Variants in LMX1A observed in about 807,000 individuals in gnomAD.
LMX1A encodes the protein LIM homeobox transcription factor 1-alpha.
In LMX1A, 15 loss-of-function variants were observed where a neutral mutation model predicts 49.1. The observed-to-expected ratio is 0.31, with a 90% CI of 0.20 to 0.47. LMX1A has a LOEUF of 0.47. LMX1A is among the 20% of genes least tolerant of loss of function. The pLI is 1.00. For synonymous variants in LMX1A, 167 were observed against 185.7 expected (o/e 0.90, Z 0.82); for missense variants, 372 against 475.8 (o/e 0.78, Z 2.03).
At chr1:165,286,820 A>T (rs1285174604) in intron 3 of LMX1A, among the ~76,000 whole-genome samples, 4 of 152,148 alleles carry the variant, frequency 2.6e-5, no homozygotes, top group Non-Finnish European at 4.4e-5. Context: ...GACCTCACAG[A>T]GGTGTTCTGA....
At chr1:165,295,231 A>C (rs1331903831) in intron 3 of LMX1A, among the ~76,000 whole-genome samples, 1 of 151,888 alleles carries the variant, frequency 6.6e-6, no homozygotes, top group African/African-American at 2.4e-5. Context: ...AAGATGTAGA[A>C]GATAATCCCC....
chr1:165,256,737 GTT>G (rs1653253794), intron 3 of LMX1A, among the ~76,000 whole-genome samples: 1 of 152,014 alleles, frequency 6.6e-6, no homozygotes, highest in Admixed American at 6.6e-5. Flanking sequence ...TATTACAGGA[GTT>G]GAGAAGCCTC....
chr1:165,237,597 A>T (rs1381715231), intron 4 of LMX1A, among the ~76,000 whole-genome samples: 1 of 152,112 alleles, frequency 6.6e-6, no homozygotes, highest in Admixed American at 6.5e-5. Flanking sequence ...AAACAAAAAA[A>T]CCCAAGCATG....
chr1:165,210,616 C>G (rs1295974970), intron 6 of LMX1A, 83 bp downstream of exon 6: 2 of 983,276 alleles, frequency 2.0e-6, no homozygotes, highest in African/African-American at 1.6e-5. Context: ...GGCGAGAAAA[C>G]CTGGCAGCAA....
chr1:165,326,002 G>A (rs1571224327), intron 3 of LMX1A, among the ~76,000 whole-genome samples: 1 of 97,744 alleles, frequency 1.0e-5, no homozygotes, highest in East Asian at 3.4e-4. Flanking sequence ...AGTAATCCCA[G>A]GGGGGCTCCC....
chr1:165,254,303 C>T (rs975143512), intron 3 of LMX1A, among the ~76,000 whole-genome samples: 1 of 152,176 alleles, frequency 6.6e-6, no homozygotes, highest in African/African-American at 2.4e-5. Flanking sequence ...AGAAAGCCCA[C>T]CATGTTGACT....
At position 165,290,245 on chromosome 1, in the gene LMX1A, C is replaced by T. The variant is rs147639813; in HGVS notation, c.264-40605G>A. Among the ~76,000 whole-genome samples, 244 of 152,328 alleles carry T rather than the reference C, an allele frequency of 1.6e-3. 1 individual carries two copies. Among genetic ancestry groups the T allele is most frequent in the East Asian group, 0.013 (68 of 5,186 alleles). ...TTAAAACAACAGAAATTTATTCTCT[C>T]GCGGTTCTAGAGACCAGAAGTTCAA... On this transcript the variant is annotated intron_variant, in intron 3 of 8. Coordinates refer to ENST00000342310, the MANE Select transcript of LMX1A (RefSeq NM_177398.4).
intron 4 of LMX1A, among the ~76,000 whole-genome samples, chr1:165,248,551 A>G (rs1418110834): frequency 2.0e-5 from 3 of 152,184 alleles, no homozygotes; most frequent in Admixed American, 2.0e-4. Flanking sequence ...AACCTGCCCT[A>G]TAAAATCTCT....
At chr1:165,333,315 G>T (rs550821657) in intron 3 of LMX1A, among the ~76,000 whole-genome samples, 1 of 152,080 alleles carries the variant, frequency 6.6e-6, no homozygotes, top group East Asian at 1.9e-4. Flanking sequence ...GTGCCACCAC[G>T]CCCGGCTAAT....
intron 4 of LMX1A, among the ~76,000 whole-genome samples, chr1:165,216,684 T>G (rs1195337341): frequency 6.6e-6 from 1 of 152,258 alleles, no homozygotes; most frequent in African/African-American, 2.4e-5. Flanking sequence ...CAGTCACTCC[T>G]CACATAGTTT....
chr1:165,355,433 A>G lies in LMX1A; in HGVS notation c.76+51T>C, dbSNP rs896817119. The G allele has an allele frequency of 6.3e-7, 1 of 1,583,840 alleles. No homozygotes were observed. The highest frequency in any genetic ancestry group is 1.3e-5 in the African/African-American group (1 of 74,316). On this transcript the variant is annotated intron_variant, in intron 2 of 8. Coordinates refer to ENST00000342310, the MANE Select transcript of LMX1A (RefSeq NM_177398.4). This position sits in a 1 kb window ranked among gnomAD's most constrained non-coding sequence, Gnocchi z 4.7. Reference sequence around the variant, plus strand: ...CCCAGAGAGCGGGGCTCCAGAGCTCAGCGCCAAGCGGAAAGAGAGTGCGCC... The same window carrying G: ...CCCAGAGAGCGGGGCTCCAGAGCTCGGCGCCAAGCGGAAAGAGAGTGCGCC...
rs375801786 is a variant in LMX1A, at chr1:165,278,351, G to A, written c.264-28711C>T. Among the ~76,000 whole-genome samples, 25 of 152,298 alleles carry A rather than the reference G, an allele frequency of 1.6e-4. No homozygotes were observed. In the East Asian group the frequency reaches 3.1e-3, roughly 19 times the overall value. ...GAAAATCAAGAGCTGTGTCTGGGAC[G>A]TGCTCCCGTAGCTCAGCAGCTACTC... On this transcript the variant is annotated intron_variant, in intron 3 of 8. Transcript: ENST00000342310.
At chr1:165,284,287 G>A (rs912877934) in intron 3 of LMX1A, among the ~76,000 whole-genome samples, 6 of 152,168 alleles carry the variant, frequency 3.9e-5, no homozygotes, top group Admixed American at 6.5e-5. Flanking sequence ...GATTATTAAC[G>A]GTATTGAGAT....
chr1:165,223,787 C>A (rs1426752978), intron 4 of LMX1A, among the ~76,000 whole-genome samples: 1 of 150,134 alleles, frequency 6.7e-6, no homozygotes, highest in Non-Finnish European at 1.5e-5. Flanking sequence ...AAAACAGTAT[C>A]CTAAGCTCTA....
chr1:165,269,390 C>T (rs942570044), intron 3 of LMX1A, among the ~76,000 whole-genome samples: 9 of 152,238 alleles, frequency 5.9e-5, no homozygotes, highest in African/African-American at 2.2e-4. Flanking sequence ...CCACACTAGA[C>T]ATCTCCCCTG....
intron 4 of LMX1A, chr1:165,216,149 G>C (rs1022564704): frequency 6.6e-6 from 1 of 152,182 alleles, no homozygotes; most frequent in Non-Finnish European, 1.5e-5. Context: ...GTGGTAAGCT[G>C]ATCTCAGACA....
intron 3 of LMX1A, among the ~76,000 whole-genome samples, chr1:165,313,467 CTT>C (rs2101735884): frequency 8.0e-6 from 1 of 125,290 alleles, no homozygotes; most frequent in African/African-American, 2.8e-5. Context: ...CACACACCTT[CTT>C]CCTTTTTTTT....
intron 3 of LMX1A, among the ~76,000 whole-genome samples, chr1:165,278,873 G>A (rs540047965): frequency 3.7e-4 from 57 of 152,310 alleles, no homozygotes; most frequent in African/African-American, 1.3e-3. Flanking sequence ...GGTCCCAGAA[G>A]GCTGAGAGAA....
chr1:165,213,836 T>A, intron 4 of LMX1A, 23 bp from the exon 5 acceptor site: 3 of 1,611,594 alleles, frequency 1.9e-6, no homozygotes, highest in Non-Finnish European at 2.5e-6. Context: ...AAAGACAATG[T>A]TGTGAGTCCC....
Sources: allele counts gnomAD v4.1 joint callset (sites outside exome capture counted in the v4.1 genomes callset), GRCh38; gene constraint gnomAD v4.1.1; non-coding constraint Gnocchi (gnomAD v3.1); transcripts MANE v1.5; gene names NCBI Gene and HGNC (gene_info 2026-07-23, HGNC 2026-07-21).